The following EIF3L variants were observed in gnomAD, a reference collection of about 807,000 sequenced individuals.
The protein encoded by EIF3L is eukaryotic translation initiation factor 3 subunit L.
In EIF3L, 32 loss-of-function variants were observed where a neutral mutation model predicts 74.6. The observed-to-expected ratio is 0.43, with a 90% CI of 0.32 to 0.58. The LOEUF (loss-of-function observed/expected upper bound fraction) is 0.58. Ranked by LOEUF, EIF3L falls within the 20% of genes least tolerant of loss-of-function variation. The pLI is 0.06. For synonymous variants in EIF3L, 256 were observed against 254.4 expected, an observed-to-expected ratio of 1.01 and a Z score of -0.06; for missense variants, 474 against 707.8, an observed-to-expected ratio of 0.67 and a Z score of 3.75.
At position 37,878,015 on chromosome 22, in the gene EIF3L, C is replaced by G; in HGVS notation, c.1419C>G (p.Ala473=). The G allele has an allele frequency of 1.2e-6, 2 of 1,613,806 alleles. No individual in the cohort carries two copies. The highest frequency in any genetic ancestry group is 4.5e-5 in the East Asian group (2 of 44,876). The change falls in exon 11 of 13, where the codon GCC becomes GCG. Residue 473 remains alanine (A), a synonymous_variant. Transcript: ENST00000652021. The stretch of plus-strand genomic sequence containing the variant: ...AGCTCTACACCACCATGCCTGTGGC[C>G]AAGCTGGCTGGCTTCCTGGACCTCA... ...FLKLYTTMPV[A]KLAGFLDLTE...
Position 37,855,652 on chromosome 22 carries a change from T to C in EIF3L, c.373+8T>C. On this transcript the variant is annotated splice_region_variant and intron_variant, in intron 4 of 12. Transcript: ENST00000652021. ...CTCCACAGGTTGGCAATGGTAGGTG[T>C]GAGCTCTTTATATCTTGTGCACTGA... is the stretch of plus-strand genomic sequence containing the variant. The C allele has an allele frequency of 6.2e-7, 1 of 1,612,844 alleles. No individual in the cohort carries two copies. Among genetic ancestry groups the C allele is most frequent in the Non-Finnish European group, 8.5e-7 (1 of 1,178,884 alleles).
chr22:37,879,045 G>C (rs751494858), intron 11 of EIF3L: 1 of 150,114 alleles, frequency 6.7e-6, no homozygotes, highest in Non-Finnish European at 1.5e-5. Context: ...CCAGGTTCAA[G>C]CAATTCTCCT....
intron 5 of EIF3L, 130 bp from the exon 6 acceptor site, chr22:37,862,839 A>G (rs936071665): frequency 4.5e-6 from 3 of 669,042 alleles, no homozygotes; most frequent in Non-Finnish European, 7.5e-6. Context: ...TCACTTGCAT[A>G]TTTACATAGT....
rs745745174 is a variant in EIF3L at position 37,888,482 on chromosome 22, C to G, written c.*18C>G. 6.2e-7 allele frequency: 1 copy of G among 1,612,896 alleles called. No homozygotes were observed. The highest frequency in any genetic ancestry group is 8.5e-7 in the Non-Finnish European group (1 of 1,179,814). ...GACCTTGATGATATTCACACACATT[C>G]AGGAACCTGTTTTGATGTATTATAG... is the stretch of plus-strand genomic sequence containing the variant. On this transcript the variant is annotated 3_prime_UTR_variant, in exon 13 of 13. Transcript: ENST00000652021.
chr22:37,862,652 G>T (rs1001789938), intron 5 of EIF3L, among the ~76,000 whole-genome samples: 9 of 152,132 alleles, frequency 5.9e-5, no homozygotes, highest in Admixed American at 5.9e-4. Flanking sequence ...CAAGTGCCAC[G>T]ATTTAACTTC....
At chr22:37,856,390 T>A (rs916530840) in intron 4 of EIF3L, among the ~76,000 whole-genome samples, 8 of 152,206 alleles carry the variant, frequency 5.3e-5, no homozygotes, top group African/African-American at 1.9e-4. Flanking sequence ...CCAGCTAATT[T>A]TTAAAAATTT....
intron 9 of EIF3L, among the ~76,000 whole-genome samples, 190 bp from the exon 10 acceptor site, chr22:37,875,651 T>TA (rs1178945202): frequency 1.3e-5 from 2 of 152,058 alleles, no homozygotes; most frequent in South Asian, 2.1e-4. Context: ...TGTTTACAGC[T>TA]AAAAAAATGG....
At chr22:37,850,910 T>C (rs1256713881) in intron 2 of EIF3L, among the ~76,000 whole-genome samples, 4 of 152,218 alleles carry the variant, frequency 2.6e-5, no homozygotes, top group Admixed American at 6.5e-5. Context: ...GTGACAGTTA[T>C]TCATTCAAGA....
intron 2 of EIF3L, among the ~76,000 whole-genome samples, chr22:37,850,982 C>T (rs1317676571): frequency 6.6e-6 from 1 of 152,208 alleles, no homozygotes; most frequent in Non-Finnish European, 1.5e-5. Context: ...CTCCAACGCA[C>T]ACTTTTCTAG....
At chr22:37,879,213 A>C (rs572794806) in intron 11 of EIF3L, 1 of 152,366 alleles carries the variant, frequency 6.6e-6, no homozygotes, top group Non-Finnish European at 1.5e-5. Flanking sequence ...TTAATAGCTC[A>C]CCAAAGGCTG....
chr22:37,867,562 G>T (rs1464654931), intron 7 of EIF3L, among the ~76,000 whole-genome samples: 1 of 151,146 alleles, frequency 6.6e-6, no homozygotes, highest in African/African-American at 2.4e-5. Flanking sequence ...AGCAGCTGAG[G>T]GATGAGAATC....
intron 9 of EIF3L, among the ~76,000 whole-genome samples, chr22:37,874,747 G>C (rs1299977777): frequency 6.6e-6 from 1 of 152,072 alleles, no homozygotes; most frequent in African/African-American, 2.4e-5. Flanking sequence ...AAAATGGAAT[G>C]ATGATGGCAG....
chr22:37,850,134 C>G, intron 2 of EIF3L, 71 bp downstream of exon 2: 1 of 1,565,714 alleles, frequency 6.4e-7, no homozygotes. Context: ...AGAACCAGCT[C>G]TGACAGGCAT....
At chr22:37,854,468 TTTG>T (rs1050189707) in intron 3 of EIF3L, among the ~76,000 whole-genome samples, 15 of 152,228 alleles carry the variant, frequency 9.9e-5, no homozygotes, top group African/African-American at 3.4e-4. Context: ...TTTTTCTGTT[TTTG>T]TTTTTTGTTT....
At chr22:37,849,696 C>T in intron 1 of EIF3L, 1 of 621,528 alleles carries the variant, frequency 1.6e-6, no homozygotes, top group Non-Finnish European at 2.8e-6. Context: ...CTTCCCCTTT[C>T]TAAGACCGGA....
At chr22:37,873,325 G>C (rs996955571) in intron 8 of EIF3L, among the ~76,000 whole-genome samples, 6 of 148,344 alleles carry the variant, frequency 4.0e-5, no homozygotes, top group African/African-American at 1.2e-4. Context: ...TTGAGGTGGA[G>C]TCTCGCTCTG....
chr22:37,871,869 G>A (rs1351914448), intron 8 of EIF3L, among the ~76,000 whole-genome samples: 58 of 109,248 alleles, frequency 5.3e-4, no homozygotes, highest in African/African-American at 1.7e-3. Flanking sequence ...ACTCTGTCTC[G>A]GGGAAAAAAA....
chr22:37,884,036 A>G (rs74775721), intron 11 of EIF3L: 2 of 151,616 alleles, frequency 1.3e-5, no homozygotes, highest in South Asian at 4.2e-4. Context: ...CCAAAAAGAA[A>G]CTCCCTACCC....
At chr22:37,854,477 T>C (rs986067608) in intron 3 of EIF3L, among the ~76,000 whole-genome samples, 1 of 152,190 alleles carries the variant, frequency 6.6e-6, no homozygotes, top group Admixed American at 6.5e-5. Context: ...TTTTGTTTTT[T>C]GTTTTTTGAG....
Sources: allele counts gnomAD v4.1 joint callset (sites outside exome capture counted in the v4.1 genomes callset), GRCh38; gene constraint gnomAD v4.1.1; transcripts MANE v1.5; gene names NCBI Gene and HGNC (gene_info 2026-07-23, HGNC 2026-07-21).